CSMD3: variants seen among roughly 807,000 people sequenced by gnomAD.
CSMD3 encodes the protein CUB and Sushi multiple domains 3, also known as CUB and sushi domain-containing protein 3.
In CSMD3, 177 loss-of-function variants were observed where a neutral mutation model predicts 435.2. The observed-to-expected ratio is 0.41, with a 90% CI of 0.36 to 0.46. The LOEUF (loss-of-function observed/expected upper bound fraction) is 0.46, where lower values mean the gene tolerates loss of function less well. CSMD3 is among the 20% of genes least tolerant of loss of function. CSMD3 has a pLI of 0.34. For missense variants in CSMD3, 4,265 were observed against 4,504.6 expected, an observed-to-expected ratio of 0.95 and a Z score of 1.52; for synonymous variants, 1,656 against 1,520.5, an observed-to-expected ratio of 1.09 and a Z score of -2.07.
At chr8:112,388,374 G>C (rs1190699022) in intron 36 of CSMD3, among the ~76,000 whole-genome samples, 1 of 152,122 alleles carries the variant, frequency 6.6e-6, no homozygotes, top group African/African-American at 2.4e-5. Context: ...ATAAGAACCT[G>C]GGACAAGGGT....
intron 3 of CSMD3, among the ~76,000 whole-genome samples, chr8:113,217,583 A>G (rs534926072): frequency 6.6e-6 from 1 of 151,830 alleles, no homozygotes; most frequent in African/African-American, 2.4e-5. Flanking sequence ...ATTTATTAAG[A>G]GAATTTAACA....
intron 10 of CSMD3, among the ~76,000 whole-genome samples, chr8:112,916,479 G>T (rs1467692175): frequency 6.6e-6 from 1 of 151,558 alleles, no homozygotes; most frequent in Non-Finnish European, 1.5e-5. Context: ...AAACCACTAA[G>T]AAATATGAAT....
chr8:112,518,185 A>G (rs1823879853), intron 27 of CSMD3, among the ~76,000 whole-genome samples: 1 of 152,122 alleles, frequency 6.6e-6, no homozygotes, highest in African/African-American at 2.4e-5. Context: ...TCTTTTATAT[A>G]ACATTCTTGA....
intron 10 of CSMD3, among the ~76,000 whole-genome samples, chr8:112,868,658 AACAG>A (rs1477983042): frequency 1.3e-5 from 2 of 152,174 alleles, no homozygotes; most frequent in African/African-American, 2.4e-5. Flanking sequence ...CTGGCATAAA[AACAG>A]ACAGATAGAT....
At chr8:113,433,499 T>C (rs2094687667) in intron 1 of CSMD3, among the ~76,000 whole-genome samples, 1 of 152,198 alleles carries the variant, frequency 6.6e-6, no homozygotes, top group Non-Finnish European at 1.5e-5. Context: ...ATTTCCACTT[T>C]TCCAAAAGAC....
chr8:113,019,808 A>C (rs531458979), intron 5 of CSMD3, among the ~76,000 whole-genome samples: 1 of 152,188 alleles, frequency 6.6e-6, no homozygotes, highest in Non-Finnish European at 1.5e-5. Flanking sequence ...TTTTCATAGA[A>C]CAAGCATTGC....
intron 3 of CSMD3, among the ~76,000 whole-genome samples, chr8:113,207,172 A>G (rs1307316877): frequency 6.6e-6 from 1 of 152,144 alleles, no homozygotes; most frequent in African/African-American, 2.4e-5. Context: ...ATCTTTCTTC[A>G]TTGAAAACTT....
intron 2 of CSMD3, among the ~76,000 whole-genome samples, chr8:113,292,122 T>A (rs1254842739): frequency 6.6e-6 from 1 of 151,712 alleles, no homozygotes; most frequent in African/African-American, 2.4e-5. Context: ...TAATTATTAT[T>A]TCTTTCTTTA....
intron 5 of CSMD3, among the ~76,000 whole-genome samples, chr8:113,068,966 T>A (rs1221098962): frequency 2.0e-5 from 3 of 151,964 alleles, no homozygotes; most frequent in Non-Finnish European, 4.4e-5. Flanking sequence ...TAATTCTGTA[T>A]AAGGATAAAC....
chr8:112,586,090 A>T (rs1830702144), intron 23 of CSMD3, among the ~76,000 whole-genome samples: 1 of 151,676 alleles, frequency 6.6e-6, no homozygotes, highest in East Asian at 1.9e-4. Flanking sequence ...TACAAATCTT[A>T]TAAGCATATC....
intron 1 of CSMD3, among the ~76,000 whole-genome samples, chr8:113,381,696 A>G (rs1018764225): frequency 5.3e-5 from 8 of 152,180 alleles, no homozygotes; most frequent in African/African-American, 1.9e-4. Flanking sequence ...AAACACATTA[A>G]TAAGATAATC....
intron 70 of CSMD3, 36 bp downstream of exon 70, chr8:112,228,720 G>T (rs754532834): frequency 1.3e-6 from 2 of 1,579,828 alleles, no homozygotes; most frequent in Non-Finnish European, 8.7e-7. Flanking sequence ...AAACAGATTT[G>T]GGAAACATTT....
At chr8:112,874,413 C>G (rs1388155514) in intron 10 of CSMD3, among the ~76,000 whole-genome samples, 1 of 152,138 alleles carries the variant, frequency 6.6e-6, no homozygotes, top group African/African-American at 2.4e-5. Context: ...CTGTAGATGT[C>G]TATTAGGTCC....
At chr8:113,280,537 A>G (rs1229551551) in intron 2 of CSMD3, among the ~76,000 whole-genome samples, 1 of 151,684 alleles carries the variant, frequency 6.6e-6, no homozygotes, top group East Asian at 1.9e-4. Context: ...TAGTGAGGTT[A>G]TTTGGATTTC....
chr8:113,068,748 T>C (rs1359024807), intron 5 of CSMD3, among the ~76,000 whole-genome samples: 1 of 152,176 alleles, frequency 6.6e-6, no homozygotes, highest in Admixed American at 6.6e-5. Flanking sequence ...ATTTTCTATT[T>C]GACTGTTGAT....
chr8:112,405,159 G>A (rs1831666931), intron 35 of CSMD3, among the ~76,000 whole-genome samples: 1 of 112,018 alleles, frequency 8.9e-6, no homozygotes, highest in African/African-American at 3.5e-5. Flanking sequence ...CTTCCAGCCT[G>A]AGCGACACAG....
In CSMD3 at chr8:112,337,542, C is replaced by T. The variant is rs1185036707; in HGVS notation, c.6841+1G>A. ...AAGATAGCTTCAAGTTAGAAGCATA[C>T]CTTCACACCTTGGAAGTGGATGATT... On this transcript the variant is annotated splice_donor_variant, in intron 43 of 70. Transcript: ENST00000297405. LOFTEE classifies it high-confidence loss of function. 6.2e-7 allele frequency: 1 copy of T among 1,611,988 alleles called. No individual in the cohort carries two copies. Among genetic ancestry groups the T allele is most frequent in the Non-Finnish European group, 8.5e-7 (1 of 1,178,226 alleles).
At chr8:112,953,097 A>G (rs2083886397) in intron 8 of CSMD3, among the ~76,000 whole-genome samples, 1 of 151,530 alleles carries the variant, frequency 6.6e-6, no homozygotes, top group South Asian at 2.1e-4. Context: ...AACATGTCAA[A>G]TAACATACGT....
intron 3 of CSMD3, among the ~76,000 whole-genome samples, chr8:113,217,906 C>T (rs149218671): frequency 6.0e-5 from 9 of 150,842 alleles, no homozygotes; most frequent in African/African-American, 1.9e-4. Context: ...ATAGGCACAT[C>T]ATAGGAAAGC....
Sources: allele counts gnomAD v4.1 joint callset (sites outside exome capture counted in the v4.1 genomes callset), GRCh38; gene constraint gnomAD v4.1.1; transcripts MANE v1.5; gene names NCBI Gene and HGNC (gene_info 2026-07-23, HGNC 2026-07-21).